The following HTR2A variants were observed in gnomAD, a reference collection of about 807,000 sequenced individuals.
HTR2A encodes 5-hydroxytryptamine receptor 2A.
A neutral mutation model predicts 31.0 loss-of-function variants in HTR2A; 14 were observed. The ratio of observed to expected loss-of-function variants is 0.45; its 90% CI spans 0.30 to 0.71. HTR2A has a LOEUF of 0.71. Ranked by LOEUF, HTR2A falls within the 30% of genes least tolerant of loss-of-function variation. The probability of loss-of-function intolerance (pLI) is 0.09; values close to 1 mark genes in which losing one functional copy is unlikely to be tolerated. For missense variants in HTR2A, 442 were observed against 573.3 expected, an observed-to-expected ratio of 0.77 and a Z score of 2.34; for synonymous variants, 209 against 225.2, an observed-to-expected ratio of 0.93 and a Z score of 0.64.
At chr13:46,835,932 T>C (rs572933830) in intron 3 of HTR2A, among the ~76,000 whole-genome samples, 1 of 152,200 alleles carries the variant, frequency 6.6e-6, no homozygotes, top group Non-Finnish European at 1.5e-5. Context: ...TACTTATTAA[T>C]TGAAGAAACA....
intron 3 of HTR2A, among the ~76,000 whole-genome samples, chr13:46,861,628 C>A (rs1010125572): frequency 6.6e-6 from 1 of 152,178 alleles, no homozygotes; most frequent in South Asian, 2.1e-4. Flanking sequence ...CAAACACTTC[C>A]GAAGAGGCAA....
At chr13:46,843,523 C>T (rs1950616353) in intron 3 of HTR2A, among the ~76,000 whole-genome samples, 1 of 152,022 alleles carries the variant, frequency 6.6e-6, no homozygotes, top group South Asian at 2.1e-4. Context: ...AGGGAGGACT[C>T]CTGAGGGCAT....
At chr13:46,869,003 G>A (rs567780265) in intron 3 of HTR2A, among the ~76,000 whole-genome samples, 107 of 152,112 alleles carry the variant, frequency 7.0e-4, no homozygotes, top group African/African-American at 2.5e-3. Context: ...AGACTAAAAA[G>A]GGAAATTATA....
intron 3 of HTR2A, among the ~76,000 whole-genome samples, chr13:46,887,422 C>CA (rs60134726): frequency 0.013 from 1,320 of 100,580 alleles, 72 homozygotes; most frequent in African/African-American, 0.039. Flanking sequence ...GACTCTGTCT[C>CA]AAAAAAAAAA....
At chr13:46,870,266 C>CT (rs1402897508) in intron 3 of HTR2A, among the ~76,000 whole-genome samples, 1 of 152,072 alleles carries the variant, frequency 6.6e-6, no homozygotes, top group Non-Finnish European at 1.5e-5. Flanking sequence ...TAAATCAGAT[C>CT]AAATGCTAAA....
At chr13:46,851,079 A>G (rs1333257938) in intron 3 of HTR2A, among the ~76,000 whole-genome samples, 4 of 152,198 alleles carry the variant, frequency 2.6e-5, no homozygotes, top group Admixed American at 2.6e-4. Flanking sequence ...TTCAGGAAAG[A>G]GGTAATTATC....
Position 46,835,086 on chromosome 13 carries a change from T to C in HTR2A, c.1167A>G (p.Ser389=), listed in dbSNP as rs1876396232. The change falls in exon 4 of 4, where the codon TCA becomes TCG. Residue 389 remains serine, a synonymous_variant. Coordinates refer to ENST00000542664, the MANE Select transcript of HTR2A (RefSeq NM_000621.5). ...VYTLFNKTYR[S]AFSRYIQCQY... ...GACACTGAATATACCGTGAAAAGGC[T>C]GACCTATAGGTCTTGTTGAACAGTG... The C allele has an allele frequency of 6.2e-7, 1 of 1,614,146 alleles. No homozygotes were observed. Among genetic ancestry groups the C allele is most frequent in the Non-Finnish European group, 8.5e-7 (1 of 1,180,000 alleles).
Position 46,895,957 on chromosome 13 carries a change from T to C in HTR2A, c.-51A>G, listed in dbSNP as rs767922117. The C allele has an allele frequency of 1.3e-6, 2 of 1,549,220 alleles. No individual in the cohort carries two copies. Among genetic ancestry groups the C allele is most frequent in the East Asian group, 2.3e-5 (1 of 44,412 alleles). On this transcript the variant is annotated 5_prime_UTR_variant, in exon 2 of 4. Transcript: ENST00000542664. The surrounding 1 kb of genome is among the most constrained non-coding windows in gnomAD (Gnocchi z 4.4). ...GAGGTGTAGAAGGACTAACAGGTTA[T>C]AGTTTCTGCTCACCATTCACCTTGA...
chr13:46,895,260 A>G lies in HTR2A; in HGVS notation c.412+235T>C, dbSNP rs1951091847. ...TCTCCAATGATCATTTTTACACAGG[A>G]TGTACGCGTTTTGAAGCACAAAACT... On this transcript the variant is annotated intron_variant, in intron 2 of 3. Transcript: ENST00000542664. The surrounding 1 kb of genome is among the most constrained non-coding windows in gnomAD (Gnocchi z 4.4). 4.3e-6 allele frequency: 2 copies of G among 466,246 alleles called. No individual in the cohort carries two copies. Among genetic ancestry groups the G allele is most frequent in the East Asian group, 7.0e-5 (2 of 28,508 alleles). 28.9% of individuals were successfully genotyped at this position (466,246 alleles called of 1,614,324 possible). A position where few individuals can be genotyped will look rare whatever the true frequency, so the allele number is the denominator to read the frequency against.
In HTR2A at chr13:46,896,083, G is replaced by T. The variant is rs952005451; in HGVS notation, c.-177C>A. 2 of 1,347,042 alleles carry T rather than the reference G, an allele frequency of 1.5e-6. No homozygotes were observed. Among genetic ancestry groups the T allele is most frequent in the East Asian group, 5.5e-5 (2 of 36,354 alleles). 83.4% of individuals were successfully genotyped at this position (1,347,042 alleles called of 1,614,324 possible). A position where few individuals can be genotyped will look rare whatever the true frequency, so the allele number is the denominator to read the frequency against. ...ACAATGATAGTTAAAGAACTGAACTGTGGTGGCTGTAAGTTTTCTTCATTC... is the reference window on the plus strand; with the variant it reads ...ACAATGATAGTTAAAGAACTGAACTTTGGTGGCTGTAAGTTTTCTTCATTC... On this transcript the variant is annotated 5_prime_UTR_variant, in exon 2 of 4. Transcript: ENST00000542664.
chr13:46,864,849 A>T (rs918789099), intron 3 of HTR2A, among the ~76,000 whole-genome samples: 1 of 152,166 alleles, frequency 6.6e-6, no homozygotes, highest in Non-Finnish European at 1.5e-5. Context: ...CGTCTTTGCA[A>T]TCCCTCAGTG....
intron 3 of HTR2A, among the ~76,000 whole-genome samples, chr13:46,888,120 A>G (rs1951023119): frequency 6.6e-6 from 1 of 152,178 alleles, no homozygotes; most frequent in Admixed American, 6.5e-5. Flanking sequence ...TGAGTTATAA[A>G]GAACTTAGGT....
At chr13:46,844,460 C>T (rs1490093022) in intron 3 of HTR2A, among the ~76,000 whole-genome samples, 1 of 152,132 alleles carries the variant, frequency 6.6e-6, no homozygotes, top group Admixed American at 6.5e-5. Context: ...TTGTATACTA[C>T]ATAATTCGTA....
At chr13:46,891,670 T>C (rs2138254525) in intron 3 of HTR2A, among the ~76,000 whole-genome samples, 1 of 152,324 alleles carries the variant, frequency 6.6e-6, no homozygotes, top group Middle Eastern at 3.4e-3. Flanking sequence ...AGAGAATCTT[T>C]GGTTACCAAC....
At chr13:46,890,025 CA>C (rs549826761) in intron 3 of HTR2A, among the ~76,000 whole-genome samples, 6 of 152,148 alleles carry the variant, frequency 3.9e-5, no homozygotes, top group Non-Finnish European at 8.8e-5. Flanking sequence ...TATACAGTGC[CA>C]AACACATAGT....
intron 3 of HTR2A, among the ~76,000 whole-genome samples, chr13:46,884,172 T>A (rs1317145363): frequency 6.6e-6 from 1 of 152,176 alleles, no homozygotes; most frequent in Non-Finnish European, 1.5e-5. Context: ...ACAGGCCGGG[T>A]GAAGTGGCTC....
rs1027485257 is a variant in HTR2A, at chr13:46,896,030, C to T, written c.-124G>A. ...GAGGCTGGTGTACATGCTGTTCTCC[C>T]GGGGCTGGATTTTTGTCTTCCATTA... On this transcript the variant is annotated 5_prime_UTR_variant, in exon 2 of 4. Transcript: ENST00000542664. 2.7e-5 allele frequency: 38 copies of T among 1,427,462 alleles called. No homozygotes were observed. The highest frequency in any genetic ancestry group is 1.2e-4 in the East Asian group (5 of 40,194). 88.4% of individuals were successfully genotyped at this position (1,427,462 alleles called of 1,614,324 possible). A position where few individuals can be genotyped will look rare whatever the true frequency, so the allele number is the denominator to read the frequency against.
intron 3 of HTR2A, among the ~76,000 whole-genome samples, chr13:46,887,970 A>C (rs1951021268): frequency 6.6e-6 from 1 of 152,142 alleles, no homozygotes; most frequent in South Asian, 2.1e-4. Flanking sequence ...TGCTGGGCTT[A>C]ATACCTGGGT....
At chr13:46,877,749 G>GA (rs886315721) in intron 3 of HTR2A, among the ~76,000 whole-genome samples, 2 of 152,092 alleles carry the variant, frequency 1.3e-5, no homozygotes, top group African/African-American at 4.8e-5. Flanking sequence ...AGGGGTTTTG[G>GA]AAGAATCAAA....
Sources: allele counts gnomAD v4.1 joint callset (sites outside exome capture counted in the v4.1 genomes callset), GRCh38; gene constraint gnomAD v4.1.1; non-coding constraint Gnocchi (gnomAD v3.1); transcripts MANE v1.5; gene names NCBI Gene and HGNC (gene_info 2026-07-23, HGNC 2026-07-21).